The following RAD50 variants were observed in gnomAD, a reference collection of about 807,000 sequenced individuals.
RAD50 encodes the protein DNA repair protein RAD50.
In RAD50, 132 loss-of-function variants were observed where a neutral mutation model predicts 168.8. That is an observed-to-expected ratio of 0.78 (90% CI 0.68 to 0.90). RAD50 has a LOEUF of 0.90. RAD50 is among the 40% of genes least tolerant of loss of function. RAD50 has a pLI of 0.00. For missense variants in RAD50, 1,347 were observed against 1,534.4 expected (o/e 0.88, Z 2.04); for synonymous variants, 525 against 497.4 (o/e 1.06, Z -0.74).
Position 132,591,273 on chromosome 5 carries a change from A to C in RAD50, c.1502A>C (p.Lys501Thr). The change falls in exon 10 of 25, where the codon AAA (lysine) becomes ACA (threonine). Residue 501 changes from lysine (K) to threonine (T), a missense_variant. Lys to Thr is a moderately conservative substitution (Grantham distance 78). Coordinates refer to ENST00000378823, the MANE Select transcript of RAD50 (RefSeq NM_005732.4). The stretch of plus-strand genomic sequence containing the variant: ...AAAAACAGCAATGTAGAAACCTTAA[A>C]AATGGAAGTAATAAGTCTCCAAAAT... ...AEKNSNVETL[K>T]MEVISLQNEK... 6.2e-7 allele frequency: 1 copy of C among 1,613,254 alleles called. No homozygotes were observed. Among genetic ancestry groups the C allele is most frequent in the Non-Finnish European group, 8.5e-7 (1 of 1,179,232 alleles).
At position 132,557,467 on chromosome 5, in the gene RAD50, A is replaced by G; in HGVS notation, c.129+14A>G. 1.2e-6 allele frequency: 2 copies of G among 1,614,086 alleles called. No homozygotes were observed. Among genetic ancestry groups the G allele is most frequent in the Non-Finnish European group, 8.5e-7 (1 of 1,179,902 alleles). On this transcript the variant is annotated intron_variant, in intron 1 of 24. Coordinates refer to ENST00000378823, the MANE Select transcript of RAD50 (RefSeq NM_005732.4). ...GCGGGAAAGACGGTAAGTCTTCAGTAGCCGCCTTCAGTTTACAGGTCGCTA... is the reference window on the plus strand; with the variant it reads ...GCGGGAAAGACGGTAAGTCTTCAGTGGCCGCCTTCAGTTTACAGGTCGCTA...
chr5:132,594,736 GA>G, intron 11 of RAD50, 132 bp from the exon 12 acceptor site: 2 of 924,628 alleles, frequency 2.2e-6, no homozygotes, highest in Admixed American at 2.2e-5. Context: ...CTCAACTTCT[GA>G]AAAAAATTAT....
chr5:132,575,733 G>T, intron 2 of RAD50, 44 bp from the exon 3 acceptor site: 1 of 1,533,882 alleles, frequency 6.5e-7, no homozygotes, highest in African/African-American at 1.4e-5. Context: ...CAACACTGGT[G>T]CTTATTAAAG....
rs1751753819 is a variant in RAD50, at chr5:132,642,595, C to T, written c.*231C>T. On this transcript the variant is annotated 3_prime_UTR_variant, in exon 25 of 25. Coordinates refer to ENST00000378823, the MANE Select transcript of RAD50 (RefSeq NM_005732.4). ...CTCTTCATCCCATTCCAGGCAGCCT[C>T]TGTCAGGCCTTCAGGGTTCAGCAGT... 1 of 566,810 alleles carries T rather than the reference C, an allele frequency of 1.8e-6. No homozygotes were observed. The highest frequency in any genetic ancestry group is 3.1e-6 in the Non-Finnish European group (1 of 321,050). 35.1% of individuals were successfully genotyped at this position (566,810 alleles called of 1,614,324 possible). A position where few individuals can be genotyped will look rare whatever the true frequency, so the allele number is the denominator to read the frequency against.
intron 21 of RAD50, among the ~76,000 whole-genome samples, chr5:132,633,618 G>A (rs1001212795): frequency 2.7e-5 from 4 of 149,720 alleles, no homozygotes; most frequent in African/African-American, 7.4e-5. Context: ...CTCTGTCACC[G>A]AGGCTGGAGT....
intron 5 of RAD50, among the ~76,000 whole-genome samples, chr5:132,582,967 A>G (rs1275140735): frequency 1.3e-5 from 2 of 152,348 alleles, no homozygotes; most frequent in East Asian, 1.9e-4. Flanking sequence ...TAGAGATGTC[A>G]TGAAAGATCC....
chr5:132,617,995 A>G (rs568783568), intron 20 of RAD50, 75 bp from the exon 21 acceptor site: 1 of 1,200,388 alleles, frequency 8.3e-7, no homozygotes, highest in Non-Finnish European at 1.2e-6. Flanking sequence ...CTATCTAAAG[A>G]AATCTATGAC....
At chr5:132,601,103 T>G (rs933772760) in intron 13 of RAD50, among the ~76,000 whole-genome samples, 8 of 152,130 alleles carry the variant, frequency 5.3e-5, no homozygotes, top group African/African-American at 1.9e-4. Context: ...TTTAAGCAGT[T>G]CTCTTGCCTC....
At chr5:132,613,797 A>C (rs530939663) in intron 19 of RAD50, among the ~76,000 whole-genome samples, 164 of 151,952 alleles carry the variant, frequency 1.1e-3, no homozygotes, top group African/African-American at 3.5e-3. Context: ...GGGTTTCACT[A>C]TGTTGGCCAG....
At chr5:132,639,194 A>T (rs1009793143) in intron 23 of RAD50, among the ~76,000 whole-genome samples, 13 of 152,102 alleles carry the variant, frequency 8.5e-5, no homozygotes, top group Non-Finnish European at 1.6e-4. Context: ...CTCTATTAAA[A>T]ATACAAAAAT....
At chr5:132,631,481 C>T (rs1319832314) in intron 21 of RAD50, among the ~76,000 whole-genome samples, 1 of 152,148 alleles carries the variant, frequency 6.6e-6, no homozygotes, top group African/African-American at 2.4e-5. Flanking sequence ...TTAGTATATG[C>T]ATTTAACTGA....
chr5:132,607,110 GTGATAGAACT>G (rs1750998685), intron 16 of RAD50, among the ~76,000 whole-genome samples: 1 of 152,236 alleles, frequency 6.6e-6, no homozygotes, highest in African/African-American at 2.4e-5. Flanking sequence ...TGGTTCCTAA[GTGATAGAACT>G]TGTACTAGTA....
intron 2 of RAD50, among the ~76,000 whole-genome samples, chr5:132,563,246 GGA>G (rs1344490681): frequency 6.6e-6 from 1 of 152,164 alleles, no homozygotes. Context: ...CATTGATGCA[GGA>G]GAGGGGATAA....
Position 132,609,321 on chromosome 5 carries a change from A to G in RAD50, c.2961A>G (p.Leu987=). The change falls in exon 19 of 25, where the codon CTA becomes CTG. Residue 987 remains leucine (L), a synonymous_variant. Coordinates refer to ENST00000378823, the MANE Select transcript of RAD50 (RefSeq NM_005732.4). ...ETELNKVIAQ[L]SECEKHKEKI... ...AACTTAATAAAGTAATAGCTCAACT[A>G]AGTGAATGCGAGAAACACAAAGAAA... 6.2e-7 allele frequency: 1 copy of G among 1,613,844 alleles called. No homozygotes were observed. Among genetic ancestry groups the G allele is most frequent in the Non-Finnish European group, 8.5e-7 (1 of 1,179,900 alleles).
intron 9 of RAD50, among the ~76,000 whole-genome samples, chr5:132,590,478 G>A (rs1179681618): frequency 6.6e-6 from 1 of 152,028 alleles, no homozygotes; most frequent in Non-Finnish European, 1.5e-5. Context: ...TCAAAAAAAA[G>A]AAAAAGAACA....
chr5:132,558,718 C>CAAAAA (rs35515008), intron 1 of RAD50, among the ~76,000 whole-genome samples: 1 of 75,802 alleles, frequency 1.3e-5, no homozygotes, highest in Non-Finnish European at 2.5e-5. Flanking sequence ...TCTCCCCCCA[C>CAAAAA]AAAAAAAAAA....
At position 132,580,002 on chromosome 5, in the gene RAD50, A is replaced by C; in HGVS notation, c.692A>C (p.Glu231Ala). The C allele has an allele frequency of 1.9e-6, 3 of 1,613,450 alleles. No individual in the cohort carries two copies. The highest frequency in any genetic ancestry group is 2.5e-6 in the Non-Finnish European group (3 of 1,179,446). Residue 231 changes from glutamate (E) to alanine (A), a missense_variant, in exon 5 of 25, where the codon GAA becomes GCA. Glu to Ala is a moderately radical substitution (Grantham distance 107, BLOSUM62 -1). Coordinates refer to ENST00000378823, the MANE Select transcript of RAD50 (RefSeq NM_005732.4). ...ATTCGTGATCAGATTACAAGTAAGG[A>C]AGCCCAGTTAACATCTTCAAAGGAA... is the stretch of plus-strand genomic sequence containing the variant. ...CEIRDQITSK[E>A]AQLTSSKEIV... is the part of the protein sequence containing the mutation.
chr5:132,631,856 C>G (rs1021870987), intron 21 of RAD50, among the ~76,000 whole-genome samples: 1 of 152,152 alleles, frequency 6.6e-6, no homozygotes, highest in Non-Finnish European at 1.5e-5. Flanking sequence ...CAGGTGTGAG[C>G]CACCGCACCC....
intron 2 of RAD50, among the ~76,000 whole-genome samples, chr5:132,571,345 C>T (rs1183439522): frequency 6.6e-6 from 1 of 152,124 alleles, no homozygotes; most frequent in African/African-American, 2.4e-5. Context: ...TGATAGCTGT[C>T]ATAATAATAA....
Sources: allele counts gnomAD v4.1 joint callset (sites outside exome capture counted in the v4.1 genomes callset), GRCh38; gene constraint gnomAD v4.1.1; transcripts MANE v1.5; gene names NCBI Gene and HGNC (gene_info 2026-07-23, HGNC 2026-07-21).